The following MIDEAS variants were observed in gnomAD, a reference collection of about 807,000 sequenced individuals.
The protein encoded by MIDEAS is mitotic deacetylase associated SANT domain protein.
MIDEAS carries 26 observed loss-of-function variants against 102.7 expected under a neutral mutation model. The observed-to-expected ratio is 0.25, with a 90% CI of 0.19 to 0.35. MIDEAS has a LOEUF of 0.35. Ranked by LOEUF, MIDEAS falls within the 10% of genes least tolerant of loss-of-function variation. The pLI, the probability that MIDEAS is intolerant of heterozygous loss-of-function variation, is 1.00. For synonymous variants in MIDEAS, 585 were observed against 591.0 expected, an observed-to-expected ratio of 0.99 and a Z score of 0.15; for missense variants, 1,231 against 1,435.6, an observed-to-expected ratio of 0.86 and a Z score of 2.30.
intron 1 of MIDEAS, among the ~76,000 whole-genome samples, chr14:73,785,674 G>A (rs1056679559): frequency 4.6e-5 from 7 of 152,110 alleles, no homozygotes; most frequent in African/African-American, 7.2e-5. Flanking sequence ...CAGCTTTCCC[G>A]TTTAGAGAGG....
At chr14:73,736,142 ACT>A (rs2053197582) in intron 3 of MIDEAS, among the ~76,000 whole-genome samples, 1 of 151,892 alleles carries the variant, frequency 6.6e-6, no homozygotes, top group Non-Finnish European at 1.5e-5. Flanking sequence ...CAAGAGCGAA[ACT>A]CTATCTCAAA....
intron 1 of MIDEAS, among the ~76,000 whole-genome samples, chr14:73,772,794 AGTGTGT>A (rs61402555): frequency 3.2e-4 from 44 of 135,718 alleles, no homozygotes; most frequent in Admixed American, 9.0e-4. Context: ...TTCAAGTTCT[AGTGTGT>A]GTGTGTGTGT....
intron 4 of MIDEAS, chr14:73,729,303 A>T (rs2053105507): frequency 4.4e-6 from 1 of 229,620 alleles, no homozygotes; most frequent in Non-Finnish European, 8.6e-6. Flanking sequence ...TGAATCCAAA[A>T]ATAGTTGAAT....
Position 73,716,841 on chromosome 14 carries a change from A to G in MIDEAS, c.*2002T>C, listed in dbSNP as rs919291164. 2.6e-5 allele frequency: 4 copies of G among 152,654 alleles called. No individual in the cohort carries two copies. The highest frequency in any genetic ancestry group is 4.4e-5 in the Non-Finnish European group (3 of 68,046). The allele number at this position is 152,654 out of a possible 1,614,324, so 9.5% of individuals were successfully genotyped here. A position where few individuals can be genotyped will look rare whatever the true frequency, so the allele number is the denominator to read the frequency against. On this transcript the variant is annotated 3_prime_UTR_variant, in exon 13 of 13. Coordinates refer to ENST00000423556, the MANE Select transcript of MIDEAS (RefSeq NM_001367710.1). ...TTGAATAGAAAAGACCTTGGGAAAC[A>G]TAAGTAGCACTTTGGGGCTAAGCTG...
upstream of MIDEAS, among the ~76,000 whole-genome samples, chr14:73,762,381 T>C (rs2053561585): frequency 1.3e-5 from 2 of 152,128 alleles, no homozygotes; most frequent in African/African-American, 4.8e-5. Context: ...AACAGAGAAG[T>C]CAGTGGCCCT....
At chr14:73,730,129 C>T in intron 3 of MIDEAS, 144 bp from the exon 4 acceptor site, 1 of 862,498 alleles carries the variant, frequency 1.2e-6, no homozygotes, top group African/African-American at 1.7e-5. Flanking sequence ...AGGAGCAGGT[C>T]CAAAAGCCCT....
At chr14:73,727,134 T>A in intron 5 of MIDEAS, 162 bp from the exon 6 acceptor site, 1 of 886,134 alleles carries the variant, frequency 1.1e-6, no homozygotes, top group Non-Finnish European at 1.7e-6. Context: ...CAGCCTGACC[T>A]GGCACCACCA....
rs1566598808 is a variant in MIDEAS, at chr14:73,750,479, TG to T, written c.-248+9283del. Among the ~76,000 whole-genome samples the T allele has an allele frequency of 2.0e-5, 3 of 152,268 alleles. No homozygotes were observed. In the East Asian group the frequency reaches 5.8e-4, roughly 29 times the overall value. ...GCCAGAAACAGTTTCCCCTCCAGAC[TG>T]GGGGTATCTGTAAAAGCCCCTGGAA... On this transcript the variant is annotated intron_variant, in intron 1 of 12. Coordinates refer to ENST00000423556, the MANE Select transcript of MIDEAS (RefSeq NM_001367710.1).
At chr14:73,726,234 G>A in intron 7 of MIDEAS, 126 bp from the exon 8 acceptor site, 1 of 809,318 alleles carries the variant, frequency 1.2e-6, no homozygotes, top group East Asian at 2.7e-5. Flanking sequence ...ACTGCTGAGA[G>A]ATAAGGGGTC....
Position 73,737,001 on chromosome 14 carries a change from A to G in MIDEAS, c.1746T>C (p.Ala582=), listed in dbSNP as rs781593723. ...TTAGAAGGGGCGCCTCTCATACCTG[A>G]GCTTGAGCATCTGTCCCGGGGATTC... ...STRIPGTDAQ[A]QAEDMNVKLE... The change falls in exon 3 of 13, where the codon GCT becomes GCC. Residue 582 remains alanine, a synonymous_variant. Coordinates refer to ENST00000423556, the MANE Select transcript of MIDEAS (RefSeq NM_001367710.1). The G allele has an allele frequency of 3.5e-5, 57 of 1,611,010 alleles. No individual in the cohort carries two copies. The highest frequency in any genetic ancestry group is 4.6e-5 in the Non-Finnish European group (54 of 1,178,438).
chr14:73,722,933 T>C (rs1595252367), intron 9 of MIDEAS, 86 bp from the exon 10 acceptor site: 2 of 1,508,040 alleles, frequency 1.3e-6, no homozygotes. Context: ...TCCCTGCATC[T>C]TTCCCTTAAC....
chr14:73,763,193 C>A (rs1369764822), upstream of MIDEAS, among the ~76,000 whole-genome samples: 4 of 152,112 alleles, frequency 2.6e-5, no homozygotes, highest in Non-Finnish European at 5.9e-5. Flanking sequence ...CAAAAATTAG[C>A]CAGGTGTGGT....
intron 1 of MIDEAS, among the ~76,000 whole-genome samples, chr14:73,743,675 T>C (rs1407662674): frequency 6.6e-6 from 1 of 152,166 alleles, no homozygotes; most frequent in Non-Finnish European, 1.5e-5. Context: ...CTCCAAAGGC[T>C]GCTGACCTGT....
At chr14:73,720,780 G>A (rs1478577306) in intron 11 of MIDEAS, among the ~76,000 whole-genome samples, 1 of 152,190 alleles carries the variant, frequency 6.6e-6, no homozygotes, top group Non-Finnish European at 1.5e-5. Flanking sequence ...CAGAGTAGAG[G>A]TTAACTCTGC....
At chr14:73,769,899 TG>T (rs57249000) in intron 1 of MIDEAS, among the ~76,000 whole-genome samples, 5,354 of 133,984 alleles carry the variant, frequency 0.04, 163 homozygotes, top group African/African-American at 0.095. Flanking sequence ...CGTGCCCGGC[TG>T]GGTTTTTTTT....
chr14:73,763,060 G>T (rs1016421815), upstream of MIDEAS, among the ~76,000 whole-genome samples: 1 of 152,102 alleles, frequency 6.6e-6, no homozygotes, highest in Non-Finnish European at 1.5e-5. Context: ...ATGAGGCCAG[G>T]CACAGTGGTT....
At chr14:73,768,077 T>C (rs1468009245) in intron 1 of MIDEAS, among the ~76,000 whole-genome samples, 1 of 152,124 alleles carries the variant, frequency 6.6e-6, no homozygotes, top group Non-Finnish European at 1.5e-5. Flanking sequence ...GGAGAATCGC[T>C]TGAGCCCAGG....
At chr14:73,722,635 A>C (rs1404212113) in intron 10 of MIDEAS, 63 bp downstream of exon 10, 2 of 1,578,714 alleles carry the variant, frequency 1.3e-6, no homozygotes, top group Admixed American at 1.8e-5. Flanking sequence ...TCGGGCTCCC[A>C]GCTCAGGCCT....
At chr14:73,762,525 C>G (rs901102513), upstream of MIDEAS, among the ~76,000 whole-genome samples, 1 of 152,164 alleles carries the variant, frequency 6.6e-6, no homozygotes, top group African/African-American at 2.4e-5. Flanking sequence ...AAGACTATAC[C>G]AAATAGCCCC....
Sources: gnomAD v4.1 joint callset for allele counts (sites outside exome capture counted in the v4.1 genomes callset) on GRCh38, gnomAD v4.1.1 for gene constraint, MANE v1.5 for transcripts, NCBI Gene and HGNC (gene_info 2026-07-23, HGNC 2026-07-21) for gene names.